CHLSN: variants seen among roughly 807,000 people sequenced by gnomAD.
CHLSN encodes the protein protein cholesin.
the CHLSN span, chr7:1,058,151 C>T: frequency 1.4e-5 from 10 of 740,128 alleles, no homozygotes; most frequent in East Asian, 2.5e-5. Flanking sequence ...TACTCTCCCG[C>T]GTCCGCAGGG....
At chr7:1,058,349 G>A in the CHLSN span, 2 of 779,330 alleles carry the variant, frequency 2.6e-6, no homozygotes, top group Non-Finnish European at 2.4e-6. Flanking sequence ...ACTTTGTGAA[G>A]GATTTCTCCA....
chr7:1,079,964 C>A, the CHLSN span, among the ~76,000 whole-genome samples: 2 of 152,392 alleles, frequency 1.3e-5, no homozygotes, highest in South Asian at 4.1e-4. Flanking sequence ...GGCAGCCCCT[C>A]TGCGTGGCTC....
At chr7:978,810 T>C in the CHLSN span, among the ~76,000 whole-genome samples, 1 of 152,246 alleles carries the variant, frequency 6.6e-6, no homozygotes, top group Non-Finnish European at 1.5e-5. Flanking sequence ...GCAGCAGTCA[T>C]TACCCGTGAA....
At chr7:1,058,815 T>C in the CHLSN span, 9 of 417,696 alleles carry the variant, frequency 2.2e-5, no homozygotes, top group African/African-American at 9.9e-5. Flanking sequence ...AGTTTGTCAA[T>C]GAAGTGATGA....
the CHLSN span, among the ~76,000 whole-genome samples, chr7:1,023,809 C>T: frequency 6.6e-6 from 1 of 152,216 alleles, no homozygotes; most frequent in African/African-American, 2.4e-5. The surrounding 1 kb of genome is among the most constrained non-coding windows in gnomAD (Gnocchi z 5.0). Flanking sequence ...GCGGCCCCTG[C>T]AGCCCAGGCC....
the CHLSN span, among the ~76,000 whole-genome samples, chr7:1,091,024 G>C: frequency 2.0e-5 from 3 of 152,098 alleles, no homozygotes; most frequent in Admixed American, 2.0e-4. Context: ...TTCTCCATCA[G>C]CTGCTGAAAT....
the CHLSN span, chr7:1,025,652 C>T: frequency 1.3e-5 from 2 of 152,212 alleles, no homozygotes; most frequent in South Asian, 4.1e-4. Context: ...CCGACCTCGC[C>T]CATCCAGGAG....
the CHLSN span, among the ~76,000 whole-genome samples, chr7:1,016,959 G>GC: frequency 1.4e-5 from 2 of 141,660 alleles, no homozygotes; most frequent in African/African-American, 2.8e-5. Context: ...CCAGCGCACA[G>GC]CAGCACACGC....
At chr7:1,016,035 C>G in the CHLSN span, among the ~76,000 whole-genome samples, 3 of 141,816 alleles carry the variant, frequency 2.1e-5, no homozygotes, top group Non-Finnish European at 4.7e-5. Flanking sequence ...CGCTCCCCCT[C>G]CGGTGTCACG....
the CHLSN span, among the ~76,000 whole-genome samples, chr7:1,050,164 G>A: frequency 6.6e-6 from 1 of 152,242 alleles, no homozygotes; most frequent in South Asian, 2.1e-4. Context: ...ACAGGGGCCA[G>A]CACCACTGGG....
chr7:999,764 C>T, the CHLSN span, among the ~76,000 whole-genome samples: 9,405 of 152,282 alleles, frequency 0.062, 371 homozygotes, highest in Middle Eastern at 0.11. Flanking sequence ...GTAACGTGGG[C>T]GCAGGAGAGC....
At chr7:1,007,340 G>A in the CHLSN span, among the ~76,000 whole-genome samples, 2 of 152,248 alleles carry the variant, frequency 1.3e-5, no homozygotes, top group Non-Finnish European at 2.9e-5. Context: ...GACAACTCGG[G>A]CACCTACCTT....
At chr7:1,082,469 T>C in the CHLSN span, among the ~76,000 whole-genome samples, 7 of 152,148 alleles carry the variant, frequency 4.6e-5, no homozygotes, top group Non-Finnish European at 7.4e-5. Context: ...GGATGATCCA[T>C]CCCCACTTAA....
chr7:1,078,281 G>A, the CHLSN span, among the ~76,000 whole-genome samples: 1 of 152,090 alleles, frequency 6.6e-6, no homozygotes, highest in African/African-American at 2.4e-5. Context: ...TAGTGGGCAC[G>A]CCTGGAGAGC....
At chr7:1,117,276 C>A in the CHLSN span, among the ~76,000 whole-genome samples, 3 of 78,046 alleles carry the variant, frequency 3.8e-5, no homozygotes, top group Admixed American at 1.2e-4. Flanking sequence ...CTTCCATCAC[C>A]GACGCCCACG....
the CHLSN span, among the ~76,000 whole-genome samples, chr7:1,053,495 T>C: frequency 1.7e-3 from 254 of 152,312 alleles, 1 homozygote; most frequent in African/African-American, 5.4e-3. Flanking sequence ...CCTGGCACGC[T>C]GTGGTTCTGT....
the CHLSN span, among the ~76,000 whole-genome samples, chr7:1,037,255 G>A: frequency 1.4e-5 from 2 of 139,034 alleles, 1 homozygote; most frequent in Middle Eastern, 6.9e-3. Flanking sequence ...AGTACAATAA[G>A]GCAAGAAAAA....
chr7:1,078,353 G>A, the CHLSN span, among the ~76,000 whole-genome samples: 1 of 152,194 alleles, frequency 6.6e-6, no homozygotes, highest in Admixed American at 6.5e-5. Flanking sequence ...GCGGGGTGGG[G>A]GGGGGCTCAG....
At chr7:1,022,070 G>A in the CHLSN span, among the ~76,000 whole-genome samples, 4,120 of 152,298 alleles carry the variant, frequency 0.027, 76 homozygotes, top group Admixed American at 0.038. Context: ...TGGAGCACTC[G>A]AGGCCCCCTG....
Sources: gnomAD v4.1 joint callset for allele counts (sites outside exome capture counted in the v4.1 genomes callset) on GRCh38, gnomAD v4.1.1 for gene constraint, Gnocchi (gnomAD v3.1) non-coding constraint, MANE v1.5 for transcripts, NCBI Gene and HGNC (gene_info 2026-07-23, HGNC 2026-07-21) for gene names.